The following ZNF121 variants were observed in gnomAD, a reference collection of about 807,000 sequenced individuals.
ZNF121 encodes the protein zinc finger protein 121 (clone ZHC32).
Under a neutral mutation model 2.4 loss-of-function variants are expected in ZNF121, and 1 was observed. The observed-to-expected ratio is 0.41, with a 90% CI of 0.15 to 1.94. ZNF121 has a LOEUF of 1.94. Ranked by LOEUF, ZNF121 falls within the 30% of genes most tolerant of loss-of-function variation. The pLI, the probability that ZNF121 is intolerant of heterozygous loss-of-function variation, is 0.30. For synonymous variants in ZNF121, 173 were observed against 158.6 expected (o/e 1.09, Z -0.68); for missense variants, 369 against 466.3 (o/e 0.79, Z 1.92).
rs994538357 is a variant in ZNF121, at chr19:9,568,259, T to C, written c.-78-84A>G. The C allele has an allele frequency of 2.2e-5, 13 of 599,308 alleles. No individual in the cohort carries two copies. The East Asian group carries it at 3.5e-4, about 16-fold the overall frequency. The allele number at this position is 599,308 out of a possible 1,614,324, so 37.1% of individuals were successfully genotyped here. A position where few individuals can be genotyped will look rare whatever the true frequency, so the allele number is the denominator to read the frequency against. ...AAATAAGTCAGAATTATAAAGCTCA[T>C]TTTTATTTGTCATATTCAGCACACT... On this transcript the variant is annotated intron_variant, in intron 2 of 3. Transcript: ENST00000320451.
rs762822800 is a variant in ZNF121, at chr19:9,566,924, C to T, written c.189G>A (p.Val63=). ...TGAAGGCTTTTCTGCACTGATTCAACACAGAAAGTGTCTCTCCAGCAGGGG... is the reference window on the plus strand; with the variant it reads ...TGAAGGCTTTTCTGCACTGATTCAATACAGAAAGTGTCTCTCCAGCAGGGG... ...NSAPAGETLS[V]LNQCRKAFSL... is the part of the protein sequence containing the mutation. The change falls in exon 4 of 4, where the codon GTG becomes GTA. Residue 63 remains valine, a synonymous_variant. Transcript: ENST00000320451. 27 of 1,614,088 alleles carry T rather than the reference C, an allele frequency of 1.7e-5. No individual in the cohort carries two copies. The highest frequency in any genetic ancestry group is 4.0e-5 in the African/African-American group (3 of 74,940).
chr19:9,575,237 T>C (rs1445830236), intron 1 of ZNF121, among the ~76,000 whole-genome samples: 3 of 151,996 alleles, frequency 2.0e-5, no homozygotes. Flanking sequence ...GTGGTCAACA[T>C]GGTGAAACCC....
chr19:9,570,434 T>C (rs187495614), intron 1 of ZNF121, among the ~76,000 whole-genome samples: 2 of 152,278 alleles, frequency 1.3e-5, no homozygotes, highest in Admixed American at 1.3e-4. Flanking sequence ...AGACACTCTC[T>C]TCACAAAGGT....
At chr19:9,569,730 A>G (rs951187652) in intron 1 of ZNF121, among the ~76,000 whole-genome samples, 4 of 150,880 alleles carry the variant, frequency 2.7e-5, no homozygotes, top group African/African-American at 9.8e-5. Flanking sequence ...ACAGGGTTTC[A>G]CCACATTGGC....
chr19:9,582,281 T>C (rs562754472), intron 1 of ZNF121, among the ~76,000 whole-genome samples: 9 of 152,188 alleles, frequency 5.9e-5, no homozygotes, highest in Non-Finnish European at 7.3e-5. Flanking sequence ...CTGAAGCAAC[T>C]GAAGAACAAC....
In ZNF121 at chr19:9,560,415, T is replaced by C. The variant is rs997414264; in HGVS notation, c.*5525A>G. The C allele has an allele frequency of 1.4e-4, 21 of 152,194 alleles. No individual in the cohort carries two copies. Among genetic ancestry groups the C allele is most frequent in the African/African-American group, 4.6e-4 (19 of 41,444 alleles). 9.4% of individuals were successfully genotyped at this position (152,194 alleles called of 1,614,324 possible). A position where few individuals can be genotyped will look rare whatever the true frequency, so the allele number is the denominator to read the frequency against. On this transcript the variant is annotated 3_prime_UTR_variant, in exon 4 of 4. Transcript: ENST00000320451. ...GTGTGTACCGAAGAGTATTGTTAAC[T>C]ATAGGCATATTTTTATACAACAAAT... is the stretch of plus-strand genomic sequence containing the variant.
intron 1 of ZNF121, among the ~76,000 whole-genome samples, chr19:9,577,444 C>T (rs1232983912): frequency 4.0e-5 from 6 of 150,044 alleles, no homozygotes; most frequent in Admixed American, 1.3e-4. Flanking sequence ...AGCAAGACTC[C>T]GTCTCAAAAA....
chr19:9,571,686 C>T (rs2074175317), intron 1 of ZNF121, among the ~76,000 whole-genome samples: 1 of 152,176 alleles, frequency 6.6e-6, no homozygotes. Context: ...CCATGAAACA[C>T]CACACTAGTA....
intron 1 of ZNF121, among the ~76,000 whole-genome samples, chr19:9,570,034 C>T (rs1205415637): frequency 6.6e-6 from 1 of 151,562 alleles, no homozygotes; most frequent in Non-Finnish European, 1.5e-5. Flanking sequence ...CCGCCGCCCA[C>T]CCTAGTTCAA....
intron 1 of ZNF121, among the ~76,000 whole-genome samples, chr19:9,571,410 C>A (rs1375061550): frequency 6.6e-6 from 1 of 152,170 alleles, no homozygotes; most frequent in Non-Finnish European, 1.5e-5. Flanking sequence ...TGAAATCATT[C>A]ATAAATCATG....
chr19:9,563,055 A>G lies in ZNF121; in HGVS notation c.*2885T>C, dbSNP rs2074110131. On this transcript the variant is annotated 3_prime_UTR_variant, in exon 4 of 4. Coordinates refer to ENST00000320451, the MANE Select transcript of ZNF121 (RefSeq NM_001008727.5). The stretch of plus-strand genomic sequence containing the variant: ...GGGCAAAAGGGAGACCATGTCTCAA[A>G]AAAAAAAAAAAAAAAAAAACTGGGA... The G allele has an allele frequency of 6.7e-6, 1 of 149,414 alleles. No homozygotes were observed. Among genetic ancestry groups the G allele is most frequent in the African/African-American group, 2.4e-5 (1 of 40,864 alleles). The allele number at this position is 149,414 out of a possible 1,614,324, so 9.3% of individuals were successfully genotyped here. A position where few individuals can be genotyped will look rare whatever the true frequency, so the allele number is the denominator to read the frequency against.
Position 9,560,713 on chromosome 19 carries a change from T to C in ZNF121, c.*5227A>G, listed in dbSNP as rs914714664. On this transcript the variant is annotated 3_prime_UTR_variant, in exon 4 of 4. Transcript: ENST00000320451. ...TATATAATGCATTTTGTTTACCAAT[T>C]CATCTGTCAATGGACATTTACTTTG... The C allele has an allele frequency of 2.0e-5, 3 of 152,270 alleles. No homozygotes were observed. The highest frequency in any genetic ancestry group is 6.5e-5 in the Admixed American group (1 of 15,290). 9.4% of individuals were successfully genotyped at this position (152,270 alleles called of 1,614,324 possible).
chr19:9,572,897 C>T (rs1439546694), intron 1 of ZNF121, among the ~76,000 whole-genome samples: 1 of 152,058 alleles, frequency 6.6e-6, no homozygotes, highest in African/African-American at 2.4e-5. Context: ...TGGCGTGCAC[C>T]TCACCTACTC....
rs554916972 is a variant in ZNF121 at position 9,562,444 on chromosome 19, G to A, written c.*3496C>T. The A allele has an allele frequency of 1.6e-4, 46 of 288,912 alleles. No homozygotes were observed. The highest frequency in any genetic ancestry group is 3.4e-4 in the Non-Finnish European group (44 of 128,898). 17.9% of individuals were successfully genotyped at this position (288,912 alleles called of 1,614,324 possible). ...CTCTCAAGGTGCTGGGATTACAGGTGTGAGCCACCGTGCCCGGCTGCTCTG... is the reference window on the plus strand; with the variant it reads ...CTCTCAAGGTGCTGGGATTACAGGTATGAGCCACCGTGCCCGGCTGCTCTG... On this transcript the variant is annotated 3_prime_UTR_variant, in exon 4 of 4. Transcript: ENST00000320451.
At position 9,568,178 on chromosome 19, in the gene ZNF121, G is replaced by A; in HGVS notation, c.-78-3C>T. The A allele has an allele frequency of 7.1e-7, 1 of 1,402,042 alleles. No individual in the cohort carries two copies. Among genetic ancestry groups the A allele is most frequent in the East Asian group, 2.4e-5 (1 of 42,208 alleles). The allele number at this position is 1,402,042 out of a possible 1,614,324, so 86.9% of individuals were successfully genotyped here. A position where few individuals can be genotyped will look rare whatever the true frequency, so the allele number is the denominator to read the frequency against. On this transcript the variant is annotated splice_region_variant and splice_polypyrimidine_tract_variant and intron_variant, in intron 2 of 3. Transcript: ENST00000320451. ...CACTTTGGTTTTAACTTGCCATTCT[G>A]AAGTAAAACAGAAAAAAAGAAAAAA... is the stretch of plus-strand genomic sequence containing the variant.
At chr19:9,567,739 C>A in intron 3 of ZNF121, 1 of 278,630 alleles carries the variant, frequency 3.6e-6, no homozygotes, top group East Asian at 7.6e-5. Flanking sequence ...GATCATCAGT[C>A]TCATAAGGAG....
intron 1 of ZNF121, among the ~76,000 whole-genome samples, chr19:9,573,050 C>A (rs1416426143): frequency 6.6e-6 from 1 of 151,940 alleles, no homozygotes; most frequent in African/African-American, 2.4e-5. Flanking sequence ...GAAAACATAC[C>A]CAATAAAAAC....
intron 1 of ZNF121, among the ~76,000 whole-genome samples, chr19:9,574,506 T>C (rs922505717): frequency 3.3e-5 from 5 of 152,086 alleles, no homozygotes; most frequent in African/African-American, 1.2e-4. Flanking sequence ...CCCCAGCAGA[T>C]TTGCCATGAG....
chr19:9,575,894 A>C (rs531211270), intron 1 of ZNF121, among the ~76,000 whole-genome samples: 1 of 98,556 alleles, frequency 1.0e-5, no homozygotes, highest in Non-Finnish European at 1.9e-5. Context: ...TACACACTGC[A>C]GTGCAGTAAT....
Sources: gnomAD v4.1 joint callset for allele counts (sites outside exome capture counted in the v4.1 genomes callset) on GRCh38, gnomAD v4.1.1 for gene constraint, MANE v1.5 for transcripts, NCBI Gene and HGNC (gene_info 2026-07-23, HGNC 2026-07-21) for gene names.